GMDS: variants seen among roughly 807,000 people sequenced by gnomAD.
GMDS encodes GDP-mannose 4,6 dehydratase.
GMDS carries 20 observed loss-of-function variants against 49.9 expected under a neutral mutation model. The ratio of observed to expected loss-of-function variants is 0.40; its 90% CI spans 0.28 to 0.58. The LOEUF is 0.58. GMDS is among the 20% of genes least tolerant of loss of function. GMDS has a pLI of 0.42. For missense variants in GMDS, 362 were observed against 481.4 expected, an observed-to-expected ratio of 0.75 and a Z score of 2.32; for synonymous variants, 177 against 178.6, an observed-to-expected ratio of 0.99 and a Z score of 0.07.
chr6:1,919,123 T>G (rs976147003), intron 7 of GMDS, among the ~76,000 whole-genome samples: 1 of 152,206 alleles, frequency 6.6e-6, no homozygotes, highest in Admixed American at 6.5e-5. Context: ...GCATCTGTTA[T>G]GTGCCAGGCA....
chr6:1,692,756 A>G (rs535433849), intron 9 of GMDS, among the ~76,000 whole-genome samples: 1 of 152,324 alleles, frequency 6.6e-6, no homozygotes, highest in Admixed American at 6.5e-5. Flanking sequence ...TGTCTTCTTT[A>G]TATCTTCCTT....
chr6:1,775,223 T>C (rs1768749136), intron 7 of GMDS, among the ~76,000 whole-genome samples: 1 of 152,300 alleles, frequency 6.6e-6, no homozygotes, highest in African/African-American at 2.4e-5. Context: ...CTACTCATCT[T>C]CTTTACTCAT....
At chr6:2,172,406 G>A (rs1778059863) in intron 1 of GMDS, among the ~76,000 whole-genome samples, 1 of 152,058 alleles carries the variant, frequency 6.6e-6, no homozygotes, top group Non-Finnish European at 1.5e-5. Flanking sequence ...AAAAAGAATT[G>A]ATATGGCCGG....
intron 1 of GMDS, among the ~76,000 whole-genome samples, chr6:2,221,925 C>T (rs1245811361): frequency 6.6e-6 from 1 of 152,066 alleles, no homozygotes; most frequent in African/African-American, 2.4e-5. Context: ...AAGAAGCCGC[C>T]AGGTCAGTGG....
chr6:2,137,273 T>C (rs1191784004), intron 1 of GMDS, among the ~76,000 whole-genome samples: 1 of 152,132 alleles, frequency 6.6e-6, no homozygotes, highest in African/African-American at 2.4e-5. Context: ...ACTTTCAAAT[T>C]AGTTCATTCA....
intron 4 of GMDS, among the ~76,000 whole-genome samples, chr6:2,093,448 A>G (rs1773429754): frequency 6.6e-6 from 1 of 152,224 alleles, no homozygotes; most frequent in African/African-American, 2.4e-5. Flanking sequence ...CAAAGATTCA[A>G]CTTAATCCCC....
At chr6:1,951,251 A>C (rs183537307) in intron 6 of GMDS, among the ~76,000 whole-genome samples, 1 of 152,260 alleles carries the variant, frequency 6.6e-6, no homozygotes, top group African/African-American at 2.4e-5. Flanking sequence ...TATAAAGATA[A>C]ATACAGTCAG....
At chr6:1,787,558 T>G (rs1769372453) in intron 7 of GMDS, among the ~76,000 whole-genome samples, 2 of 152,216 alleles carry the variant, frequency 1.3e-5, no homozygotes, top group South Asian at 4.1e-4. Context: ...TAGTATCAAT[T>G]GGTTTGACTC....
intron 4 of GMDS, among the ~76,000 whole-genome samples, chr6:1,976,680 T>C (rs753497913): frequency 1.3e-5 from 2 of 152,210 alleles, no homozygotes; most frequent in Non-Finnish European, 2.9e-5. Flanking sequence ...GATAATAGTA[T>C]ACTGGTATTA....
intron 1 of GMDS, among the ~76,000 whole-genome samples, chr6:2,204,338 T>C (rs1256926891): frequency 6.6e-6 from 1 of 152,218 alleles, no homozygotes; most frequent in Non-Finnish European, 1.5e-5. Context: ...AATGCAACAA[T>C]TAAATAGCAA....
chr6:1,695,922 T>C (rs867730198), intron 9 of GMDS, among the ~76,000 whole-genome samples: 5,006 of 118,316 alleles, frequency 0.042, 221 homozygotes, highest in African/African-American at 0.16. Flanking sequence ...TTTTTTTTTT[T>C]CTTTTTTTTT....
intron 1 of GMDS, among the ~76,000 whole-genome samples, chr6:2,200,880 G>C (rs966086975): frequency 1.2e-4 from 16 of 132,384 alleles, no homozygotes; most frequent in Non-Finnish European, 1.6e-4. Context: ...AGGATGAAGA[G>C]AGAGCACCAA....
chr6:1,988,846 A>G (rs1028995693), intron 4 of GMDS, among the ~76,000 whole-genome samples: 1 of 151,958 alleles, frequency 6.6e-6, no homozygotes, highest in African/African-American at 2.4e-5. Context: ...AATGGTTTGG[A>G]AAAAAACACA....
intron 4 of GMDS, among the ~76,000 whole-genome samples, chr6:2,093,791 G>GA (rs530092181): frequency 1.9e-4 from 29 of 150,254 alleles, no homozygotes; most frequent in African/African-American, 6.8e-4. Context: ...AAAAAAAAAA[G>GA]AAAAAAACAT....
At chr6:2,165,526 T>C (rs1464529589) in intron 1 of GMDS, among the ~76,000 whole-genome samples, 2 of 152,356 alleles carry the variant, frequency 1.3e-5, no homozygotes, top group African/African-American at 4.8e-5. Flanking sequence ...GAGGGCCATC[T>C]GTTATACTCA....
At chr6:1,666,845 C>T (rs1764253913) in intron 9 of GMDS, among the ~76,000 whole-genome samples, 1 of 152,240 alleles carries the variant, frequency 6.6e-6, no homozygotes, top group Non-Finnish European at 1.5e-5. Flanking sequence ...CTCTCTTTGA[C>T]AGCCTGAACT....
intron 7 of GMDS, among the ~76,000 whole-genome samples, chr6:1,813,706 C>T (rs1770542234): frequency 6.6e-6 from 1 of 152,160 alleles, no homozygotes; most frequent in Non-Finnish European, 1.5e-5. Context: ...AGGAGCGATC[C>T]ACTGACTTTT....
At position 1,702,304 on chromosome 6, in the gene GMDS, G is replaced by A. The variant is rs550882794; in HGVS notation, c.987+24112C>T. ...TGGCTCCTTGGTTTGAGTCAGGGCA[G>A]AGGGAAAGCAGCACACACTTCAGTC... On this transcript the variant is annotated intron_variant, in intron 9 of 10. Transcript: ENST00000380815. Among the ~76,000 whole-genome samples the A allele has an allele frequency of 2.3e-4, 35 of 152,354 alleles. 1 individual carries two copies. The highest frequency in any genetic ancestry group is 3.4e-3 in the Middle Eastern group (1 of 294).
intron 6 of GMDS, among the ~76,000 whole-genome samples, chr6:1,949,418 AG>A (rs1763235796): frequency 6.6e-6 from 1 of 152,228 alleles, no homozygotes; most frequent in South Asian, 2.1e-4. Flanking sequence ...GACAGTTATC[AG>A]TTTGGTTTCA....
Sources: gnomAD v4.1 joint callset for allele counts (sites outside exome capture counted in the v4.1 genomes callset) on GRCh38, gnomAD v4.1.1 for gene constraint, MANE v1.5 for transcripts, NCBI Gene and HGNC (gene_info 2026-07-23, HGNC 2026-07-21) for gene names.